DNAH8: variants seen among roughly 807,000 people sequenced by gnomAD.
DNAH8 encodes the protein dynein axonemal heavy chain 8.
In DNAH8, 382 loss-of-function variants were observed where a neutral mutation model predicts 562.1. That is an observed-to-expected ratio of 0.68 (90% CI 0.63 to 0.74). DNAH8 has a LOEUF of 0.74. Among genes scored for constraint, DNAH8 ranks in the 30% least tolerant of loss-of-function variants. DNAH8 has a pLI of 0.00. For synonymous variants in DNAH8, 1,881 were observed against 1,919.4 expected (o/e 0.98, Z 0.52); for missense variants, 5,203 against 5,620.4 (o/e 0.93, Z 2.37).
At chr6:38,966,780 A>G (rs1762996605) in intron 82 of DNAH8, among the ~76,000 whole-genome samples, 1 of 152,214 alleles carries the variant, frequency 6.6e-6, no homozygotes, top group Non-Finnish European at 1.5e-5. Flanking sequence ...CTGCTGCAAC[A>G]AACTACCATA....
At chr6:38,996,415 C>T (rs2150742752) in intron 88 of DNAH8, among the ~76,000 whole-genome samples, 1 of 152,268 alleles carries the variant, frequency 6.6e-6, no homozygotes, top group South Asian at 2.1e-4. Context: ...TATACAATTT[C>T]TATGTGACAT....
intron 11 of DNAH8, among the ~76,000 whole-genome samples, chr6:38,768,632 A>T (rs1767257241): frequency 6.6e-6 from 1 of 152,042 alleles, no homozygotes; most frequent in Non-Finnish European, 1.5e-5. Context: ...TAGTAAGTTG[A>T]TATTCTTGGG....
intron 76 of DNAH8, among the ~76,000 whole-genome samples, chr6:38,935,017 A>C (rs1403448291): frequency 2.6e-5 from 4 of 152,224 alleles, no homozygotes; most frequent in Non-Finnish European, 5.9e-5. Flanking sequence ...TTATGTAAGA[A>C]GAAAAAAACT....
chr6:38,973,616 C>G (rs377516348), intron 83 of DNAH8, 45 bp from the exon 84 acceptor site: 1 of 1,466,878 alleles, frequency 6.8e-7, no homozygotes, highest in African/African-American at 1.4e-5. Context: ...AAAATCATAG[C>G]AAAAAGGTTA....
chr6:38,871,456 G>A (rs1000444396), intron 49 of DNAH8, among the ~76,000 whole-genome samples: 3 of 152,136 alleles, frequency 2.0e-5, no homozygotes, highest in African/African-American at 7.2e-5. Flanking sequence ...AATGGGTGGC[G>A]ACTAGAATTT....
intron 85 of DNAH8, among the ~76,000 whole-genome samples, chr6:38,977,278 A>G (rs1763741108): frequency 6.6e-6 from 1 of 152,136 alleles, no homozygotes; most frequent in African/African-American, 2.4e-5. Context: ...ACGCCGCACT[A>G]AGCTCTGCTC....
intron 80 of DNAH8, among the ~76,000 whole-genome samples, chr6:38,947,978 G>A (rs748567355): frequency 2.1e-4 from 32 of 152,074 alleles, no homozygotes; most frequent in Non-Finnish European, 4.3e-4. Flanking sequence ...GAACTCCTGA[G>A]CTCAGGCACT....
At position 38,823,683 on chromosome 6, in the gene DNAH8, A is replaced by G. The variant is rs762752794; in HGVS notation, c.3842A>G (p.His1281Arg). Residue 1281 changes from histidine to arginine, a missense_variant, in exon 28 of 93, where the codon CAT becomes CGT. This residue lies in a region of DNAH8 where 2,176 missense variants were observed against 2,365.1 expected (regional missense o/e 0.92). Coordinates refer to ENST00000327475, the MANE Select transcript of DNAH8 (RefSeq NM_001206927.2). The stretch of plus-strand genomic sequence containing the variant: ...ATTGTTGTAGGAGCACTTGAATTAC[A>G]TACAGGTATTTTAAAAATGTTTATT... Reference protein sequence around the residue: ...PIIVVGALELHTEPMKLALSI... With the variant: ...PIIVVGALELRTEPMKLALSI... 6.3e-7 allele frequency: 1 copy of G among 1,591,230 alleles called. No individual in the cohort carries two copies.
At chr6:38,792,671 C>T (rs1390848292) in intron 21 of DNAH8, among the ~76,000 whole-genome samples, 3 of 152,158 alleles carry the variant, frequency 2.0e-5, no homozygotes, top group Admixed American at 2.0e-4. Flanking sequence ...TGTTTATCCT[C>T]CATTGACTCA....
chr6:38,975,635 T>A (rs1289618712), intron 85 of DNAH8, among the ~76,000 whole-genome samples: 1 of 152,202 alleles, frequency 6.6e-6, no homozygotes, highest in Non-Finnish European at 1.5e-5. Context: ...AAAATCAGAT[T>A]AAATGCTTTG....
intron 91 of DNAH8, among the ~76,000 whole-genome samples, 177 bp from the exon 92 acceptor site, chr6:39,026,369 G>C (rs569439395): frequency 6.6e-6 from 1 of 152,176 alleles, no homozygotes; most frequent in Non-Finnish European, 1.5e-5. Context: ...CTCATTGCAG[G>C]TCCCCACAGA....
At position 38,856,050 on chromosome 6, in the gene DNAH8, C is replaced by T. The variant is rs139409975; in HGVS notation, c.5734-1468C>T. 1.2e-3 allele frequency among the ~76,000 whole-genome samples: 183 copies of T among 152,342 alleles called. 1 individual carries two copies. Among genetic ancestry groups the T allele is most frequent in the African/African-American group, 4.1e-3 (171 of 41,584 alleles). On this transcript the variant is annotated intron_variant, in intron 41 of 92. Transcript: ENST00000327475. ...GGGGACCACTGGTATAGATCACTAA[C>T]ACTTAGTCCTCCTACCTGGCTATAA...
chr6:38,760,624 G>T (rs1766400529), intron 10 of DNAH8, among the ~76,000 whole-genome samples: 1 of 152,152 alleles, frequency 6.6e-6, no homozygotes, highest in African/African-American at 2.4e-5. Context: ...ATGTTGAAAT[G>T]TGATCCTCAG....
rs551039772 is a variant in DNAH8, at chr6:38,986,060, T to G, written c.13053+1753T>G. ...CTCACCCTTGTGGGGTGCAACCTGT[T>G]AGTCATAGTCATATCAAGTGTGTGA... On this transcript the variant is annotated intron_variant, in intron 87 of 92. Transcript: ENST00000327475. 8.7e-4 allele frequency among the ~76,000 whole-genome samples: 132 copies of G among 152,322 alleles called. 4 individuals are homozygous for G. The Middle Eastern group carries it at 0.017, about 20-fold the overall frequency.
At chr6:38,923,214 C>T (rs1370884149) in intron 72 of DNAH8, 29 bp downstream of exon 72, 1 of 1,610,602 alleles carries the variant, frequency 6.2e-7, no homozygotes, top group Non-Finnish European at 8.5e-7. Flanking sequence ...TTCATAATCA[C>T]TCTTTCTTTG....
intron 69 of DNAH8, among the ~76,000 whole-genome samples, chr6:38,917,610 G>A (rs994509191): frequency 5.3e-5 from 8 of 152,280 alleles, no homozygotes; most frequent in Admixed American, 1.3e-4. Flanking sequence ...GTCCAGAACC[G>A]GTGGCTAGTA....
Position 38,950,333 on chromosome 6 carries a change from C to T in DNAH8, c.12248+763C>T, listed in dbSNP as rs145954074. ...CAATTTTTTCTTTTCTAATGTTATA[C>T]ACCTAAGTTTCCACTTCTTAGAAAA... is the stretch of plus-strand genomic sequence containing the variant. On this transcript the variant is annotated intron_variant, in intron 81 of 92. Coordinates refer to ENST00000327475, the MANE Select transcript of DNAH8 (RefSeq NM_001206927.2). Among the ~76,000 whole-genome samples, 1,200 of 152,154 alleles carry T rather than the reference C, an allele frequency of 7.9e-3. 11 individuals are homozygous for T. The highest frequency in any genetic ancestry group is 0.014 in the Non-Finnish European group (919 of 68,018).
At chr6:38,947,716 G>A (rs1220775490) in intron 80 of DNAH8, among the ~76,000 whole-genome samples, 1 of 151,930 alleles carries the variant, frequency 6.6e-6, no homozygotes, top group Non-Finnish European at 1.5e-5. Context: ...TCAGGAGATA[G>A]ATGGCAGTTG....
chr6:38,898,521 T>A lies in DNAH8; in HGVS notation c.9063+141T>A, dbSNP rs1779858103. ...GTACATAGGTTGGGTCAATTCACTG[T>A]CCCAGAAAATAAAGGCTTAATAGGA... On this transcript the variant is annotated intron_variant, in intron 61 of 92. Transcript: ENST00000327475. 1.1e-5 allele frequency: 6 copies of A among 551,326 alleles called. No homozygotes were observed. The South Asian group carries it at 3.1e-4, about 29-fold the overall frequency. 34.2% of individuals were successfully genotyped at this position (551,326 alleles called of 1,614,324 possible). A position where few individuals can be genotyped will look rare whatever the true frequency, so the allele number is the denominator to read the frequency against.
Sources: allele counts gnomAD v4.1 joint callset (sites outside exome capture counted in the v4.1 genomes callset), GRCh38; gene constraint gnomAD v4.1.1; regional missense constraint gnomAD v4.1.1; transcripts MANE v1.5; gene names NCBI Gene and HGNC (gene_info 2026-07-23, HGNC 2026-07-21).